ENOX1: variants seen among roughly 807,000 people sequenced by gnomAD.
ENOX1 encodes candidate growth-related and time keeping constitutive hydroquinone (NADH) oxidase.
In ENOX1, 42 loss-of-function variants were observed where a neutral mutation model predicts 82.5. The observed-to-expected ratio is 0.51, with a 90% CI of 0.40 to 0.66. The LOEUF (loss-of-function observed/expected upper bound fraction) is 0.66. Among genes scored for constraint, ENOX1 ranks in the 30% least tolerant of loss-of-function variants. The probability of loss-of-function intolerance (pLI) is 0.00; values close to 1 mark genes in which losing one functional copy is unlikely to be tolerated. For synonymous variants in ENOX1, 271 were observed against 282.2 expected, an observed-to-expected ratio of 0.96 and a Z score of 0.40; for missense variants, 608 against 811.6, an observed-to-expected ratio of 0.75 and a Z score of 3.05.
At chr13:43,668,101 G>C (rs2085075955) in intron 1 of ENOX1, among the ~76,000 whole-genome samples, 1 of 152,128 alleles carries the variant, frequency 6.6e-6, no homozygotes, top group Non-Finnish European at 1.5e-5. Context: ...ATTTTCATAG[G>C]ATAAATCCCA....
chr13:43,460,039 AT>A (rs2057399554), intron 3 of ENOX1, among the ~76,000 whole-genome samples: 1 of 152,146 alleles, frequency 6.6e-6, no homozygotes, highest in Non-Finnish European at 1.5e-5. Flanking sequence ...AAACCAAAAA[AT>A]AACAACAAGA....
At chr13:43,381,471 TAA>T (rs57762148) in intron 5 of ENOX1, among the ~76,000 whole-genome samples, 1 of 138,364 alleles carries the variant, frequency 7.2e-6, no homozygotes, top group African/African-American at 2.7e-5. Flanking sequence ...TTCTATCTTA[TAA>T]AAAAAAAAAA....
chr13:43,504,215 G>C (rs2077074599), intron 2 of ENOX1, among the ~76,000 whole-genome samples: 1 of 151,710 alleles, frequency 6.6e-6, no homozygotes, highest in South Asian at 2.1e-4. Flanking sequence ...ACCTTTATAA[G>C]CTGTTGGTGG....
Position 43,718,570 on chromosome 13 carries a change from G to A in ENOX1, c.-284-51026C>T, listed in dbSNP as rs569917094. On this transcript the variant is annotated intron_variant, in intron 1 of 16. Coordinates refer to ENST00000690772, the MANE Select transcript of ENOX1 (RefSeq NM_001347969.2). ...ATTATTTAAAAATTGGAATCATCTC[G>A]GGAGGCTGAGGCAGGAGAATGTTGT... is the stretch of plus-strand genomic sequence containing the variant. 1.3e-3 allele frequency among the ~76,000 whole-genome samples: 196 copies of A among 151,180 alleles called. 3 individuals are homozygous for A. The highest frequency in any genetic ancestry group is 2.3e-3 in the African/African-American group (95 of 41,102).
intron 2 of ENOX1, among the ~76,000 whole-genome samples, chr13:43,496,464 T>G (rs1391191369): frequency 6.6e-6 from 1 of 151,988 alleles, no homozygotes; most frequent in East Asian, 1.9e-4. Context: ...TAGCTGACTG[T>G]AACCGAGTAC....
intron 5 of ENOX1, among the ~76,000 whole-genome samples, chr13:43,396,071 CAAA>C (rs1231677619): frequency 6.6e-5 from 10 of 152,166 alleles, no homozygotes; most frequent in African/African-American, 2.4e-4. Flanking sequence ...TGCTCTTTTC[CAAA>C]GATTGCTTGA....
intron 5 of ENOX1, among the ~76,000 whole-genome samples, chr13:43,401,410 A>G (rs2053488332): frequency 6.6e-6 from 1 of 152,250 alleles, no homozygotes. Flanking sequence ...AACTTATGAT[A>G]GTCCCAGCCA....
At chr13:43,713,147 C>T (rs1248559107) in intron 1 of ENOX1, among the ~76,000 whole-genome samples, 1 of 152,100 alleles carries the variant, frequency 6.6e-6, no homozygotes. Flanking sequence ...TGTCAAAGGC[C>T]TTTTCTGCAT....
intron 2 of ENOX1, among the ~76,000 whole-genome samples, chr13:43,534,201 A>G (rs2078353236): frequency 6.6e-6 from 1 of 152,158 alleles, no homozygotes; most frequent in African/African-American, 2.4e-5. Flanking sequence ...ATAGTGGAGT[A>G]AGTAGCAACC....
chr13:43,348,362 T>C (rs937387463), intron 8 of ENOX1, among the ~76,000 whole-genome samples: 2 of 152,238 alleles, frequency 1.3e-5, no homozygotes, highest in African/African-American at 2.4e-5. Context: ...GACATATTTC[T>C]AGACATATTT....
In ENOX1 at chr13:43,689,765, T is replaced by A. The variant is rs567746459; in HGVS notation, c.-284-22221A>T. Among the ~76,000 whole-genome samples the A allele has an allele frequency of 8.5e-5, 13 of 152,340 alleles. No individual in the cohort carries two copies. In the East Asian group the frequency reaches 2.3e-3, roughly 27 times the overall value. ...ATATGAATATACATCTGTCGTTGTA[T>A]ACACACACTCAACACTCAAAGGATT... On this transcript the variant is annotated intron_variant, in intron 1 of 16. Transcript: ENST00000690772.
chr13:43,581,962 T>A (rs546437526), intron 2 of ENOX1, among the ~76,000 whole-genome samples: 45 of 152,346 alleles, frequency 3.0e-4, no homozygotes, highest in African/African-American at 9.6e-4. Flanking sequence ...TCTACATGCA[T>A]GTATATATCA....
rs543941304 is a variant in ENOX1, at chr13:43,534,047, T to C, written c.-218-49895A>G. Reference sequence around the variant, plus strand: ...TATTAGTGATTTTCAAGTGCAAAAGTTGAATTTGTCCTCCAAAAATTTGCA... The same window carrying C: ...TATTAGTGATTTTCAAGTGCAAAAGCTGAATTTGTCCTCCAAAAATTTGCA... On this transcript the variant is annotated intron_variant, in intron 2 of 16. Transcript: ENST00000690772. Among the ~76,000 whole-genome samples, 14 of 152,268 alleles carry C rather than the reference T, an allele frequency of 9.2e-5. No individual in the cohort carries two copies. The East Asian group carries it at 2.7e-3, about 29-fold the overall frequency.
At chr13:43,303,573 C>T (rs568693387) in intron 11 of ENOX1, among the ~76,000 whole-genome samples, 1 of 152,254 alleles carries the variant, frequency 6.6e-6, no homozygotes, top group East Asian at 1.9e-4. Context: ...TCAGTCTCTG[C>T]CTGCTGCTGG....
At chr13:43,666,844 A>C (rs2085004217) in intron 2 of ENOX1, among the ~76,000 whole-genome samples, 1 of 152,208 alleles carries the variant, frequency 6.6e-6, no homozygotes, top group South Asian at 2.1e-4. Context: ...TCACTGGATG[A>C]TATAGATCAC....
At chr13:43,690,510 T>C (rs1436150800) in intron 1 of ENOX1, among the ~76,000 whole-genome samples, 1 of 152,164 alleles carries the variant, frequency 6.6e-6, no homozygotes, top group Admixed American at 6.5e-5. Flanking sequence ...TCATATGCAT[T>C]TTACTCTTCC....
chr13:43,374,233 T>C (rs575383217), intron 5 of ENOX1, among the ~76,000 whole-genome samples: 1 of 151,174 alleles, frequency 6.6e-6, no homozygotes, highest in African/African-American at 2.4e-5. Flanking sequence ...TTAATCTTTC[T>C]TTTATCTTTT....
chr13:43,620,306 C>T (rs1218524565), intron 2 of ENOX1, among the ~76,000 whole-genome samples: 3 of 151,060 alleles, frequency 2.0e-5, no homozygotes, highest in Non-Finnish European at 4.4e-5. Flanking sequence ...TTGGTTTGTT[C>T]TTGTTTCTCT....
chr13:43,679,360 C>G (rs1353480983), intron 1 of ENOX1, among the ~76,000 whole-genome samples: 3 of 152,244 alleles, frequency 2.0e-5, no homozygotes, highest in African/African-American at 7.2e-5. Flanking sequence ...TTACCAGGAA[C>G]AATTCCCAGC....
Sources: gnomAD v4.1 joint callset for allele counts (sites outside exome capture counted in the v4.1 genomes callset) on GRCh38, gnomAD v4.1.1 for gene constraint, MANE v1.5 for transcripts, NCBI Gene and HGNC (gene_info 2026-07-23, HGNC 2026-07-21) for gene names.